RAB6B: variants seen among roughly 807,000 people sequenced by gnomAD.
The protein encoded by RAB6B is RAB6B, member RAS oncogene family.
Under a neutral mutation model 31.2 loss-of-function variants are expected in RAB6B, and 7 were observed. The observed-to-expected ratio is 0.22, with a 90% confidence interval of 0.13 to 0.42. The LOEUF (loss-of-function observed/expected upper bound fraction) is 0.42. Ranked by LOEUF, RAB6B falls within the 10% of genes least tolerant of loss-of-function variation. The probability of loss-of-function intolerance (pLI) is 1.00; values close to 1 mark genes in which losing one functional copy is unlikely to be tolerated. For synonymous variants in RAB6B, 105 were observed against 104.9 expected, an observed-to-expected ratio of 1.00 and a Z score of -0.01; for missense variants, 149 against 280.6, an observed-to-expected ratio of 0.53 and a Z score of 3.35.
At chr3:133,861,313 T>C (rs1036391479) in intron 2 of RAB6B, among the ~76,000 whole-genome samples, 1 of 152,192 alleles carries the variant, frequency 6.6e-6, no homozygotes, top group Middle Eastern at 3.2e-3. Context: ...GATGAGGTGA[T>C]GGGCAGGGTG....
chr3:133,828,166 C>A lies in RAB6B; in HGVS notation c.*622G>T. 3 of 591,804 alleles carry A rather than the reference C, an allele frequency of 5.1e-6. No homozygotes were observed. The highest frequency in any genetic ancestry group is 9.0e-6 in the Non-Finnish European group (3 of 331,638). 36.7% of individuals were successfully genotyped at this position (591,804 alleles called of 1,614,324 possible). Reference sequence around the variant, plus strand: ...CACAGACCTTGGTCTCAGCTCCACACGAGGTTGACGACCCACTCTGGCCAT... The same window carrying A: ...CACAGACCTTGGTCTCAGCTCCACAAGAGGTTGACGACCCACTCTGGCCAT... On this transcript the variant is annotated 3_prime_UTR_variant, in exon 8 of 8. Transcript: ENST00000285208.
intron 1 of RAB6B, among the ~76,000 whole-genome samples, chr3:133,894,010 G>T (rs941584037): frequency 1.3e-5 from 2 of 152,166 alleles, no homozygotes; most frequent in Non-Finnish European, 1.5e-5. Context: ...ACCTTCTAAC[G>T]TCCTTCTCTG....
In RAB6B at chr3:133,839,636, G is replaced by A; in HGVS notation, c.290-19C>T. ...TTGAGATCTGGAGGCAGAAAGTGAGGATAAACTGAAAGCCAGGGCCAGCCA... is the reference window on the plus strand; with the variant it reads ...TTGAGATCTGGAGGCAGAAAGTGAGAATAAACTGAAAGCCAGGGCCAGCCA... On this transcript the variant is annotated intron_variant, in intron 4 of 7. Transcript: ENST00000285208. 6.3e-7 allele frequency: 1 copy of A among 1,588,234 alleles called. No individual in the cohort carries two copies. Among genetic ancestry groups the A allele is most frequent in the Non-Finnish European group, 8.6e-7 (1 of 1,156,406 alleles).
At chr3:133,887,952 G>A (rs1936573972) in intron 1 of RAB6B, among the ~76,000 whole-genome samples, 1 of 152,176 alleles carries the variant, frequency 6.6e-6, no homozygotes, top group African/African-American at 2.4e-5. Context: ...TGCCTGCTGT[G>A]CAAGACCAGC....
Position 133,868,527 on chromosome 3 carries a change from C to T in RAB6B, c.71-3885G>A, listed in dbSNP as rs76930670. ...ACCGCTGTGCTTCTACCGCAGCTCTCGGACACCACTGCAGCAAAGAGGAGC... is the reference window on the plus strand; with the variant it reads ...ACCGCTGTGCTTCTACCGCAGCTCTTGGACACCACTGCAGCAAAGAGGAGC... On this transcript the variant is annotated intron_variant, in intron 1 of 7. Coordinates refer to ENST00000285208, the MANE Select transcript of RAB6B (RefSeq NM_016577.4). Among the ~76,000 whole-genome samples, 1,513 of 152,330 alleles carry T rather than the reference C, an allele frequency of 9.9e-3. 18 individuals are homozygous for T. The highest frequency in any genetic ancestry group is 0.035 in the African/African-American group (1,461 of 41,566).
chr3:133,895,049 G>A (rs977348291), intron 1 of RAB6B, among the ~76,000 whole-genome samples: 5 of 152,174 alleles, frequency 3.3e-5, no homozygotes, highest in African/African-American at 1.2e-4. Context: ...CGCAGCCGGT[G>A]CCGCAGTGTG....
rs1043620512 is a variant in RAB6B, at chr3:133,895,755, G to A, written c.-289C>T. 2.1e-5 allele frequency: 9 copies of A among 423,896 alleles called. No homozygotes were observed. Among genetic ancestry groups the A allele is most frequent in the African/African-American group, 1.9e-4 (9 of 47,746 alleles). The allele number at this position is 423,896 out of a possible 1,614,324, so 26.3% of individuals were successfully genotyped here. A position where few individuals can be genotyped will look rare whatever the true frequency, so the allele number is the denominator to read the frequency against. On this transcript the variant is annotated 5_prime_UTR_variant, in exon 1 of 8. Transcript: ENST00000285208. ...GGGGCGCGCTCTTTACGCCCGAGGC[G>A]CGGCGCTGGGAGAGAGGCGCGGGCG...
intron 1 of RAB6B, among the ~76,000 whole-genome samples, chr3:133,886,831 G>A (rs1936554143): frequency 6.6e-6 from 1 of 152,226 alleles, no homozygotes. Context: ...TTTATCATGT[G>A]AGCCTTAATC....
chr3:133,841,219 C>T lies in RAB6B; in HGVS notation c.289+66G>A, dbSNP rs1935825005. On this transcript the variant is annotated intron_variant, in intron 4 of 7. Coordinates refer to ENST00000285208, the MANE Select transcript of RAB6B (RefSeq NM_016577.4). ...GCACACACATGCACACAGGCCTGGC[C>T]AGGGTCACACCTGGGCCCTGGACCC... 6.7e-6 allele frequency: 10 copies of T among 1,491,210 alleles called. No homozygotes were observed. The East Asian group carries it at 1.8e-4, about 27-fold the overall frequency. The allele number at this position is 1,491,210 out of a possible 1,614,324, so 92.4% of individuals were successfully genotyped here.
At chr3:133,892,129 C>T (rs887659977) in intron 1 of RAB6B, among the ~76,000 whole-genome samples, 1 of 152,174 alleles carries the variant, frequency 6.6e-6, no homozygotes, top group Non-Finnish European at 1.5e-5. Context: ...CTTGTCTTCT[C>T]GGACGCCATC....
At chr3:133,865,638 GC>G (rs1936228505) in intron 1 of RAB6B, among the ~76,000 whole-genome samples, 1 of 152,252 alleles carries the variant, frequency 6.6e-6, no homozygotes, top group African/African-American at 2.4e-5. Flanking sequence ...AGCCCTTTCT[GC>G]ACTAGGCTTC....
intron 2 of RAB6B, among the ~76,000 whole-genome samples, chr3:133,855,898 C>G (rs187045691): frequency 6.6e-6 from 1 of 152,148 alleles, no homozygotes; most frequent in Non-Finnish European, 1.5e-5. Flanking sequence ...TAGAGGCTAA[C>G]GGTAATGGTG....
chr3:133,841,769 T>C (rs71331732), intron 2 of RAB6B, 106 bp from the exon 3 acceptor site: 49 of 1,120,758 alleles, frequency 4.4e-5, no homozygotes, highest in Non-Finnish European at 6.2e-5. Context: ...GGGACGCTCA[T>C]GTCAGGTCTA....
chr3:133,856,258 A>G (rs1936074754), intron 2 of RAB6B, among the ~76,000 whole-genome samples: 1 of 151,934 alleles, frequency 6.6e-6, no homozygotes, highest in African/African-American at 2.4e-5. Context: ...GACATAGGAG[A>G]GGAGGGAGAG....
intron 2 of RAB6B, among the ~76,000 whole-genome samples, chr3:133,850,989 C>A (rs1576398285): frequency 7.0e-6 from 1 of 143,660 alleles, no homozygotes. Context: ...AGCTAGAAAA[C>A]ACTGGAATGA....
chr3:133,849,310 A>C (rs1935946711), intron 2 of RAB6B, among the ~76,000 whole-genome samples: 1 of 152,250 alleles, frequency 6.6e-6, no homozygotes, highest in Non-Finnish European at 1.5e-5. Flanking sequence ...CATGTGCATC[A>C]GAATCACATC....
At chr3:133,865,976 G>T (rs1463641963) in intron 1 of RAB6B, among the ~76,000 whole-genome samples, 1 of 152,192 alleles carries the variant, frequency 6.6e-6, no homozygotes, top group Non-Finnish European at 1.5e-5. Context: ...TGGTTAGCTG[G>T]ATTGAAATCC....
At chr3:133,892,945 C>T (rs1936656774) in intron 1 of RAB6B, among the ~76,000 whole-genome samples, 1 of 152,214 alleles carries the variant, frequency 6.6e-6, no homozygotes, top group African/African-American at 2.4e-5. Context: ...ATGTCCCCTA[C>T]CTAACTCAAA....
intron 1 of RAB6B, 100 bp downstream of exon 1, chr3:133,895,297 G>A: frequency 4.6e-6 from 6 of 1,306,926 alleles, no homozygotes; most frequent in Non-Finnish European, 6.5e-6. Context: ...CTGGCAAGGA[G>A]GGGCCTTTCC....
Sources: gnomAD v4.1 joint callset for allele counts (sites outside exome capture counted in the v4.1 genomes callset) on GRCh38, gnomAD v4.1.1 for gene constraint, MANE v1.5 for transcripts, NCBI Gene and HGNC (gene_info 2026-07-23, HGNC 2026-07-21) for gene names.